Variants in GPC5 observed in about 807,000 individuals in gnomAD.
GPC5 encodes glypican-5.
Under a neutral mutation model 53.9 loss-of-function variants are expected in GPC5, and 47 were observed. The ratio of observed to expected loss-of-function variants is 0.87; its 90% CI spans 0.69 to 1.11. GPC5 has a LOEUF of 1.11. GPC5 is among the 50% of genes most tolerant of loss of function. The pLI, the probability that GPC5 is intolerant of heterozygous loss-of-function variation, is 0.00. For synonymous variants in GPC5, 286 were observed against 263.3 expected, an observed-to-expected ratio of 1.09 and a Z score of -0.84; for missense variants, 748 against 713.1, an observed-to-expected ratio of 1.05 and a Z score of -0.56.
chr13:91,794,208 C>T (rs2038013070), intron 5 of GPC5, among the ~76,000 whole-genome samples: 1 of 151,950 alleles, frequency 6.6e-6, no homozygotes, highest in Non-Finnish European at 1.5e-5. Flanking sequence ...TATTTAATTC[C>T]AACACCCCAA....
chr13:92,038,927 CAT>C (rs2040920069), intron 6 of GPC5, among the ~76,000 whole-genome samples: 1 of 152,058 alleles, frequency 6.6e-6, no homozygotes, highest in African/African-American at 2.4e-5. Flanking sequence ...GCAGAAAAAC[CAT>C]GTGTGTGTGT....
At chr13:92,012,926 C>G (rs538016554) in intron 6 of GPC5, among the ~76,000 whole-genome samples, 13 of 152,280 alleles carry the variant, frequency 8.5e-5, no homozygotes, top group African/African-American at 3.1e-4. Flanking sequence ...CCAGACCAGG[C>G]ACAAGTGAGT....
chr13:92,645,160 C>A (rs1885726158), intron 7 of GPC5, among the ~76,000 whole-genome samples: 1 of 152,082 alleles, frequency 6.6e-6, no homozygotes, highest in East Asian at 1.9e-4. Context: ...AAAGTCAATT[C>A]CTTTCTACCA....
intron 7 of GPC5, among the ~76,000 whole-genome samples, chr13:92,578,142 T>A (rs1257366021): frequency 6.6e-6 from 1 of 152,154 alleles, no homozygotes; most frequent in East Asian, 1.9e-4. Flanking sequence ...GGACAAGCAT[T>A]CTTATTTTCT....
chr13:92,792,773 C>A (rs556849091), intron 7 of GPC5, among the ~76,000 whole-genome samples: 1 of 152,142 alleles, frequency 6.6e-6, no homozygotes, highest in East Asian at 1.9e-4. Context: ...CAACAAAGAT[C>A]AAAAATGGCA....
chr13:91,497,849 A>G (rs963369911), intron 2 of GPC5, among the ~76,000 whole-genome samples: 5 of 152,174 alleles, frequency 3.3e-5, no homozygotes, highest in Non-Finnish European at 5.9e-5. Flanking sequence ...TATGAGGTGC[A>G]TGAGATGTTT....
intron 7 of GPC5, among the ~76,000 whole-genome samples, chr13:92,329,656 G>C (rs761126144): frequency 2.0e-5 from 3 of 152,128 alleles, no homozygotes; most frequent in Non-Finnish European, 2.9e-5. Context: ...ATAAAAGTTA[G>C]AGGGGAATTG....
chr13:91,831,292 C>T (rs1594603038), intron 5 of GPC5, among the ~76,000 whole-genome samples: 1 of 151,380 alleles, frequency 6.6e-6, no homozygotes, highest in South Asian at 2.1e-4. Flanking sequence ...GAGGCTAGGA[C>T]AATCTCTCAT....
At chr13:92,442,559 C>T (rs1368305921) in intron 7 of GPC5, among the ~76,000 whole-genome samples, 1 of 152,036 alleles carries the variant, frequency 6.6e-6, no homozygotes, top group Non-Finnish European at 1.5e-5. Flanking sequence ...TTTCACTCAT[C>T]AATAGTACCA....
intron 5 of GPC5, among the ~76,000 whole-genome samples, chr13:91,787,709 G>A (rs2037900721): frequency 1.3e-5 from 2 of 151,980 alleles, no homozygotes; most frequent in African/African-American, 4.8e-5. Flanking sequence ...AATTGTAAGG[G>A]GGAAATCAAC....
intron 1 of GPC5, among the ~76,000 whole-genome samples, chr13:91,430,834 TG>T (rs1879393688): frequency 1.3e-5 from 2 of 152,272 alleles, no homozygotes; most frequent in African/African-American, 2.4e-5. Context: ...ATGGTGGCAG[TG>T]GGGGTTCCCT....
chr13:92,312,245 T>G (rs192607368), intron 7 of GPC5, among the ~76,000 whole-genome samples: 1 of 152,316 alleles, frequency 6.6e-6, no homozygotes, highest in Admixed American at 6.5e-5. Flanking sequence ...ATCTCCAGTT[T>G]CTTTTCACTT....
chr13:91,599,398 C>A (rs890707493), intron 2 of GPC5, among the ~76,000 whole-genome samples: 4 of 151,962 alleles, frequency 2.6e-5, no homozygotes, highest in African/African-American at 7.3e-5. Flanking sequence ...ATAAATCAAG[C>A]CTGATGACTG....
chr13:92,421,559 C>T (rs1364670235), intron 7 of GPC5, among the ~76,000 whole-genome samples: 2 of 151,624 alleles, frequency 1.3e-5, no homozygotes, highest in African/African-American at 4.9e-5. Flanking sequence ...ATTAGTCGGG[C>T]GTGGTGGCGG....
chr13:91,856,551 T>A (rs2038968812), intron 5 of GPC5, among the ~76,000 whole-genome samples: 1 of 151,532 alleles, frequency 6.6e-6, no homozygotes, highest in Non-Finnish European at 1.5e-5. Flanking sequence ...TTACACAAAA[T>A]TAAAGATGTT....
chr13:91,484,303 A>G (rs1321557071), intron 2 of GPC5, among the ~76,000 whole-genome samples: 2 of 152,216 alleles, frequency 1.3e-5, no homozygotes, highest in Non-Finnish European at 2.9e-5. Context: ...TTTTCCAAAA[A>G]ATGACTAAAA....
intron 7 of GPC5, among the ~76,000 whole-genome samples, chr13:92,248,468 T>C (rs928717794): frequency 2.0e-5 from 3 of 152,140 alleles, no homozygotes; most frequent in African/African-American, 7.2e-5. Context: ...AGCATAACCT[T>C]CAGCAAGTTA....
intron 6 of GPC5, among the ~76,000 whole-genome samples, chr13:92,009,369 G>C (rs1009749308): frequency 1.5e-4 from 23 of 151,386 alleles, no homozygotes; most frequent in Non-Finnish European, 1.9e-4. Context: ...TTATTTTTAA[G>C]CTTTTTTGTG....
At chr13:91,602,832 T>C (rs2033222843) in intron 2 of GPC5, among the ~76,000 whole-genome samples, 1 of 152,232 alleles carries the variant, frequency 6.6e-6, no homozygotes, top group South Asian at 2.1e-4. Flanking sequence ...TAATCTTTTT[T>C]CTTCATTTGT....
Sources: allele counts gnomAD v4.1 joint callset (sites outside exome capture counted in the v4.1 genomes callset), GRCh38; gene constraint gnomAD v4.1.1; transcripts MANE v1.5; gene names NCBI Gene and HGNC (gene_info 2026-07-23, HGNC 2026-07-21).